NADK2: variants seen among roughly 807,000 people sequenced by gnomAD.
The protein encoded by NADK2 is NAD kinase domain-containing protein 1, mitochondrial.
A neutral mutation model predicts 62.1 loss-of-function variants in NADK2; 35 were observed. The ratio of observed to expected loss-of-function variants is 0.56; its 90% CI spans 0.43 to 0.75. The LOEUF is 0.75. Ranked by LOEUF, NADK2 falls within the 30% of genes least tolerant of loss-of-function variation. The pLI, the probability that NADK2 is intolerant of heterozygous loss-of-function variation, is 0.00. For missense variants in NADK2, 439 were observed against 561.3 expected, an observed-to-expected ratio of 0.78 and a Z score of 2.20; for synonymous variants, 205 against 207.9, an observed-to-expected ratio of 0.99 and a Z score of 0.12.
chr5:36,232,289 CAGTT>C (rs1358080092), intron 1 of NADK2, among the ~76,000 whole-genome samples: 2 of 152,104 alleles, frequency 1.3e-5, no homozygotes, highest in African/African-American at 2.4e-5. Context: ...TTTTACCAGT[CAGTT>C]GAGTATTGCT....
At chr5:36,208,818 A>G (rs977699631) in intron 7 of NADK2, 3 of 646,162 alleles carry the variant, frequency 4.6e-6, no homozygotes, top group Non-Finnish European at 7.9e-6. Flanking sequence ...AAGGCACTTA[A>G]GTTTTCAGAG....
At chr5:36,239,267 G>C (rs1419696787) in intron 1 of NADK2, among the ~76,000 whole-genome samples, 1 of 152,076 alleles carries the variant, frequency 6.6e-6, no homozygotes, top group Non-Finnish European at 1.5e-5. Flanking sequence ...TCCCATTTTA[G>C]GACAGCTTCA....
chr5:36,226,695 G>A, intron 2 of NADK2, 132 bp from the exon 3 acceptor site: 1 of 591,886 alleles, frequency 1.7e-6, no homozygotes, highest in Non-Finnish European at 2.9e-6. Flanking sequence ...AATTTACATG[G>A]AGCTTTATAA....
At chr5:36,226,445 C>A (rs769886220) in intron 3 of NADK2, 30 bp downstream of exon 3, 75 of 1,547,122 alleles carry the variant, frequency 4.8e-5, no homozygotes, top group Non-Finnish European at 6.0e-5. Flanking sequence ...TTTGTATATG[C>A]CAACATCTTT....
Position 36,228,788 on chromosome 5 carries a change from TA to T in NADK2, c.301-1224del, listed in dbSNP as rs1336427334. Among the ~76,000 whole-genome samples the T allele has an allele frequency of 1.5e-4, 20 of 129,426 alleles. 1 individual carries two copies. The East Asian group carries it at 1.6e-3, about 10-fold the overall frequency. 84.9% of individuals were successfully genotyped at this position (129,426 alleles called of 152,430 possible). A position where few individuals can be genotyped will look rare whatever the true frequency, so the allele number is the denominator to read the frequency against. ...TGCACACCACCACAACCAGCTAATT[TA>T]TTTTATTTTTTTTTTTGGTAGAAAT... On this transcript the variant is annotated intron_variant, in intron 1 of 11. Transcript: ENST00000381937.
At chr5:36,239,668 G>C (rs1483558376) in intron 1 of NADK2, among the ~76,000 whole-genome samples, 1 of 151,802 alleles carries the variant, frequency 6.6e-6, no homozygotes, top group Non-Finnish European at 1.5e-5. Flanking sequence ...AGAGGTCCAA[G>C]AGTTAATCCT....
chr5:36,231,271 A>T (rs913570358), intron 1 of NADK2, among the ~76,000 whole-genome samples: 81 of 152,346 alleles, frequency 5.3e-4, no homozygotes, highest in African/African-American at 1.8e-3. Context: ...ACTAACAAAA[A>T]ACTTCAAGTT....
intron 11 of NADK2, among the ~76,000 whole-genome samples, chr5:36,197,049 C>T (rs1285157802): frequency 6.6e-6 from 1 of 151,914 alleles, no homozygotes; most frequent in Non-Finnish European, 1.5e-5. Context: ...ATTACATCCA[C>T]TTTTTTATAT....
intron 4 of NADK2, among the ~76,000 whole-genome samples, chr5:36,224,169 G>A (rs1747385491): frequency 6.6e-6 from 1 of 152,172 alleles, no homozygotes; most frequent in South Asian, 2.1e-4. Context: ...AAGTGCTGAA[G>A]ACTACAAACT....
chr5:36,210,361 C>T (rs1158946497), intron 7 of NADK2, among the ~76,000 whole-genome samples: 1 of 152,112 alleles, frequency 6.6e-6, no homozygotes. Flanking sequence ...CACAAAACAG[C>T]TTCTGCCGGT....
intron 11 of NADK2, 151 bp from the exon 12 acceptor site, chr5:36,195,433 G>T: frequency 1.3e-6 from 1 of 785,096 alleles, no homozygotes; most frequent in Non-Finnish European, 2.0e-6. Flanking sequence ...GTAAATATAT[G>T]GGTATATTAT....
At chr5:36,212,575 T>C (rs927642938) in intron 6 of NADK2, among the ~76,000 whole-genome samples, 3 of 152,202 alleles carry the variant, frequency 2.0e-5, no homozygotes, top group Admixed American at 2.0e-4. Context: ...CTTGTTCAAA[T>C]TTGTGACTGT....
chr5:36,203,618 C>T (rs1746526625), intron 8 of NADK2, among the ~76,000 whole-genome samples: 1 of 152,026 alleles, frequency 6.6e-6, no homozygotes, highest in Non-Finnish European at 1.5e-5. Flanking sequence ...AGATTTTAAT[C>T]TAACCCATAC....
chr5:36,195,314 A>T, intron 11 of NADK2, 32 bp from the exon 12 acceptor site: 1 of 1,565,200 alleles, frequency 6.4e-7, no homozygotes, highest in East Asian at 2.3e-5. Flanking sequence ...ATTAAATAGT[A>T]ATAGTTTTCT....
At chr5:36,229,540 C>T (rs1747626403) in intron 1 of NADK2, among the ~76,000 whole-genome samples, 1 of 151,756 alleles carries the variant, frequency 6.6e-6, no homozygotes, top group Non-Finnish European at 1.5e-5. Context: ...CTATCATTAC[C>T]CAGCTACAGA....
At chr5:36,211,814 C>A in intron 7 of NADK2, 30 bp downstream of exon 7, 2 of 1,563,500 alleles carry the variant, frequency 1.3e-6, no homozygotes, top group Admixed American at 1.7e-5. Context: ...ACATTAAATT[C>A]CATGCTCAAG....
intron 7 of NADK2, among the ~76,000 whole-genome samples, chr5:36,208,084 T>A (rs1328113343): frequency 6.6e-6 from 1 of 152,148 alleles, no homozygotes; most frequent in Non-Finnish European, 1.5e-5. Context: ...AAAGTTACGA[T>A]AAAACCGTAA....
chr5:36,207,664 T>A (rs929311775), intron 7 of NADK2, among the ~76,000 whole-genome samples: 12 of 152,124 alleles, frequency 7.9e-5, no homozygotes, highest in African/African-American at 2.9e-4. Flanking sequence ...GTCCTTGATA[T>A]ATTTTAAAGC....
chr5:36,226,567 G>A lies in NADK2; in HGVS notation c.390-4C>T. On this transcript the variant is annotated splice_region_variant and splice_polypyrimidine_tract_variant and intron_variant, in intron 2 of 11. Coordinates refer to ENST00000381937, the MANE Select transcript of NADK2 (RefSeq NM_001085411.3). The stretch of plus-strand genomic sequence containing the variant: ...ACGAACCTCAATTCCCTCATTCCTA[G>A]GATAAAAAAGGAAAGGTTATATGAA... 6.3e-7 allele frequency: 1 copy of A among 1,599,708 alleles called. No homozygotes were observed. Among genetic ancestry groups the A allele is most frequent in the Non-Finnish European group, 8.6e-7 (1 of 1,169,176 alleles).
Sources: gnomAD v4.1 joint callset for allele counts (sites outside exome capture counted in the v4.1 genomes callset) on GRCh38, gnomAD v4.1.1 for gene constraint, MANE v1.5 for transcripts, NCBI Gene and HGNC (gene_info 2026-07-23, HGNC 2026-07-21) for gene names.